Variants in SYNPO observed in about 807,000 individuals in gnomAD.
SYNPO encodes synaptopodin.
Under a neutral mutation model 49.5 loss-of-function variants are expected in SYNPO, and 19 were observed. The observed-to-expected ratio is 0.38, with a 90% CI of 0.27 to 0.56. The LOEUF is 0.56. SYNPO is among the 20% of genes least tolerant of loss of function. The pLI is 0.68. For synonymous variants in SYNPO, 536 were observed against 548.0 expected (o/e 0.98, Z 0.31); for missense variants, 1,131 against 1,248.3 (o/e 0.91, Z 1.42).
chr5:150,612,740 G>T (rs1403438588), intron 1 of SYNPO, among the ~76,000 whole-genome samples: 2 of 152,144 alleles, frequency 1.3e-5, no homozygotes, highest in Admixed American at 6.5e-5. Flanking sequence ...ATATACATCA[G>T]CTATTATCAT....
chr5:150,642,054 CCA>C (rs1312277470), intron 1 of SYNPO, among the ~76,000 whole-genome samples: 1 of 152,208 alleles, frequency 6.6e-6, no homozygotes, highest in Non-Finnish European at 1.5e-5. Flanking sequence ...TCTCTGAGCC[CCA>C]GTTTCATCTG....
chr5:150,647,229 GC>G, intron 1 of SYNPO, among the ~76,000 whole-genome samples: 1 of 143,052 alleles, frequency 7.0e-6, no homozygotes. Flanking sequence ...GGCGACAAGA[GC>G]AAAAACTCCT....
chr5:150,597,732 G>T (rs1025598671), upstream of SYNPO, among the ~76,000 whole-genome samples: 1 of 151,528 alleles, frequency 6.6e-6, no homozygotes, highest in Non-Finnish European at 1.5e-5. Context: ...TGCGCTTCCC[G>T]GGTTCAAGTG....
chr5:150,605,103 CT>C (rs1460738692), intron 1 of SYNPO, among the ~76,000 whole-genome samples: 1 of 152,230 alleles, frequency 6.6e-6, no homozygotes, highest in Non-Finnish European at 1.5e-5. Flanking sequence ...TCAATGAACA[CT>C]CCTCTAGCTG....
chr5:150,637,304 AC>A (rs1757748959), upstream of SYNPO, among the ~76,000 whole-genome samples: 1 of 152,164 alleles, frequency 6.6e-6, no homozygotes, highest in Admixed American at 6.5e-5. Context: ...AAATCACAAA[AC>A]CTTTCTTTTT....
At chr5:150,634,193 G>A (rs537456582) in intron 2 of SYNPO, among the ~76,000 whole-genome samples, 32 of 152,038 alleles carry the variant, frequency 2.1e-4, no homozygotes, top group African/African-American at 7.2e-4. Flanking sequence ...TGGTTCCTCC[G>A]GTCTAGGATA....
chr5:150,642,533 C>T (rs1757947026), intron 1 of SYNPO, among the ~76,000 whole-genome samples: 1 of 151,230 alleles, frequency 6.6e-6, no homozygotes. Context: ...CCACCTTTGA[C>T]ACCAAGAGCA....
chr5:150,623,531 A>C (rs1372139058), intron 2 of SYNPO, among the ~76,000 whole-genome samples: 3 of 150,904 alleles, frequency 2.0e-5, no homozygotes, highest in Non-Finnish European at 4.4e-5. Flanking sequence ...CACTCTCCCA[A>C]CCTGCCCTCT....
chr5:150,657,424 TCTCTCTCTCACACACACA>T lies in SYNPO; in HGVS notation c.*339_*356del, dbSNP rs1758614020. On this transcript the variant is annotated 3_prime_UTR_variant, in exon 3 of 3. Coordinates refer to ENST00000307662, the MANE Select transcript of SYNPO (RefSeq NM_007286.6). ...CACACACACTCTCTCTTTCTCTCTC[TCTCTCTCTCACACACACA>T]CACACACACACACACACACACACAC... The T allele has an allele frequency of 5.8e-6, 1 of 173,396 alleles. No individual in the cohort carries two copies. The highest frequency in any genetic ancestry group is 1.1e-5 in the Non-Finnish European group (1 of 90,392). The allele number at this position is 173,396 out of a possible 1,614,324, so 10.7% of individuals were successfully genotyped here.
intron 1 of SYNPO, among the ~76,000 whole-genome samples, chr5:150,642,333 A>G (rs1332333591): frequency 1.3e-5 from 2 of 152,140 alleles, no homozygotes; most frequent in African/African-American, 2.4e-5. Flanking sequence ...TTGAAGGCCT[A>G]TCTTCAGGGC....
Position 150,611,423 on chromosome 5 carries a change from A to G in SYNPO, c.-265-6680A>G, listed in dbSNP as rs528301442. On this transcript the variant is annotated intron_variant, in intron 1 of 2. Transcript: ENST00000394243. ...TGCAGGGACTCATCTGAAGTTACCCACTATTCTGAGGCTGAACTGAAGCCT... is the reference window on the plus strand; with the variant it reads ...TGCAGGGACTCATCTGAAGTTACCCGCTATTCTGAGGCTGAACTGAAGCCT... 6.6e-4 allele frequency among the ~76,000 whole-genome samples: 100 copies of G among 152,314 alleles called. 1 individual carries two copies. The highest frequency in any genetic ancestry group is 2.4e-3 in the African/African-American group (99 of 41,568).
intron 2 of SYNPO, among the ~76,000 whole-genome samples, chr5:150,632,541 A>C (rs932032707): frequency 2.6e-5 from 4 of 152,266 alleles, no homozygotes; most frequent in African/African-American, 9.6e-5. Flanking sequence ...CGTCAGGAGG[A>C]GGAAAAGATA....
Position 150,618,194 on chromosome 5 carries a change from T to C in SYNPO, c.-174T>C, listed in dbSNP as rs115507779. 3.8e-3 allele frequency: 2,877 copies of C among 749,146 alleles called. 53 individuals carry two copies. The African/African-American group carries it at 0.043, about 11-fold the overall frequency. 46.4% of individuals were successfully genotyped at this position (749,146 alleles called of 1,614,324 possible). The stretch of plus-strand genomic sequence containing the variant: ...TAGCCCAGGAAGGACTTATCTTTCG[T>C]CTCAGCCAGACCTCACCCCAATTCT... On this transcript the variant is annotated 5_prime_UTR_variant, in exon 2 of 3. Coordinates refer to the SYNPO transcript ENST00000394243.
At position 150,621,134 on chromosome 5, in the gene SYNPO, G is replaced by A. The variant is rs536694858; in HGVS notation, c.400+2367G>A. On this transcript the variant is annotated intron_variant, in intron 2 of 2. Transcript: ENST00000394243. ...TGCCCAGCTAATTTTTGTATTTTTA[G>A]TAGAGATGGGATTTCACCATGTTGG... Among the ~76,000 whole-genome samples the A allele has an allele frequency of 5.9e-5, 9 of 151,822 alleles. No individual in the cohort carries two copies. In the East Asian group the frequency reaches 1.7e-3, roughly 29 times the overall value.
At chr5:150,624,662 C>G (rs1757288290) in intron 2 of SYNPO, 1 of 191,914 alleles carries the variant, frequency 5.2e-6, no homozygotes, top group South Asian at 1.8e-4. Flanking sequence ...GGGGAGCAGG[C>G]AGCAGGAGCA....
Position 150,620,319 on chromosome 5 carries a change from G to T in SYNPO, c.400+1552G>T, listed in dbSNP as rs189119352. Reference sequence around the variant, plus strand: ...AATGACCATCATCAGCTCAACAATAGGACTGCTATTATTTGTTAGAAGCCT... The same window carrying T: ...AATGACCATCATCAGCTCAACAATATGACTGCTATTATTTGTTAGAAGCCT... On this transcript the variant is annotated intron_variant, in intron 2 of 2. Coordinates refer to the SYNPO transcript ENST00000394243. Among the ~76,000 whole-genome samples, 188 of 152,318 alleles carry T rather than the reference G, an allele frequency of 1.2e-3. 1 individual carries two copies. The highest frequency in any genetic ancestry group is 4.3e-3 in the African/African-American group (180 of 41,564).
intron 1 of SYNPO, among the ~76,000 whole-genome samples, chr5:150,604,113 C>A (rs1756626652): frequency 6.6e-6 from 1 of 152,176 alleles, no homozygotes; most frequent in African/African-American, 2.4e-5. Context: ...TCTAACTGAC[C>A]TTCAGTGGCC....
intron 1 of SYNPO, among the ~76,000 whole-genome samples, chr5:150,646,549 C>G (rs1561652570): frequency 6.6e-6 from 1 of 151,606 alleles, no homozygotes; most frequent in South Asian, 2.1e-4. Flanking sequence ...TGGTGAAACC[C>G]TGTCTCTACA....
intron 1 of SYNPO, among the ~76,000 whole-genome samples, chr5:150,616,595 C>A (rs1011790564): frequency 2.0e-5 from 3 of 152,208 alleles, no homozygotes; most frequent in African/African-American, 7.2e-5. Context: ...GTTCTCTAGA[C>A]CCCTATGTGG....
Sources: allele counts gnomAD v4.1 joint callset (sites outside exome capture counted in the v4.1 genomes callset), GRCh38; gene constraint gnomAD v4.1.1; transcripts MANE v1.5; gene names NCBI Gene and HGNC (gene_info 2026-07-23, HGNC 2026-07-21).